The following RNF213 variants were observed in gnomAD, a reference collection of about 807,000 sequenced individuals.
RNF213 encodes the protein E3 ubiquitin-protein ligase RNF213.
Under a neutral mutation model 514.4 loss-of-function variants are expected in RNF213, and 341 were observed. That is an observed-to-expected ratio of 0.66 (90% CI 0.61 to 0.73). RNF213 has a LOEUF of 0.73. RNF213 is among the 30% of genes least tolerant of loss of function. The pLI is 0.00. For missense variants in RNF213, 5,767 were observed against 6,615.6 expected (o/e 0.87, Z 4.45); for synonymous variants, 2,655 against 2,658.2 (o/e 1.00, Z 0.04).
chr17:80,381,909 G>C, intron 57 of RNF213, 182 bp downstream of exon 57: 1 of 654,388 alleles, frequency 1.5e-6, no homozygotes, highest in Non-Finnish European at 2.7e-6. Context: ...CCTGGGGCTG[G>C]AAAAAGGAAG....
At chr17:80,352,738 G>C (rs1399346005) in intron 32 of RNF213, 1 of 746,510 alleles carries the variant, frequency 1.3e-6, no homozygotes, top group Non-Finnish European at 2.4e-6. Context: ...TGAAGCTGTC[G>C]ATGGGCATAG....
intron 22 of RNF213, among the ~76,000 whole-genome samples, chr17:80,335,202 G>A (rs1471737828): frequency 6.6e-6 from 1 of 152,146 alleles, no homozygotes; most frequent in Non-Finnish European, 1.5e-5. Flanking sequence ...GCGTGAGCAA[G>A]TACAGGCGTG....
rs1342075437 is a variant in RNF213, at chr17:80,309,047, A to G, written c.2531A>G (p.Tyr844Cys). Reference protein sequence around the residue: ...KIPEEALSPSYLTVCLKLHEA... With the variant: ...KIPEEALSPSCLTVCLKLHEA... ...CCCGAGGAGGCCTTGTCACCATCCTACCTGACTGTGTGTCTGAAACTGCAT... is the reference window on the plus strand; with the variant it reads ...CCCGAGGAGGCCTTGTCACCATCCTGCCTGACTGTGTGTCTGAAACTGCAT... Residue 844 changes from tyrosine to cysteine, a missense_variant, in exon 14 of 68, where the codon TAC becomes TGC. Coordinates refer to ENST00000582970, the MANE Select transcript of RNF213 (RefSeq NM_001256071.3). 4 of 1,614,044 alleles carry G rather than the reference A, an allele frequency of 2.5e-6. No individual in the cohort carries two copies. Among genetic ancestry groups the G allele is most frequent in the Non-Finnish European group, 3.4e-6 (4 of 1,180,020 alleles).
rs149749020 is a variant in RNF213 at position 80,346,613 on chromosome 17, G to A, written c.8278G>A (p.Glu2760Lys). Residue 2760 changes from glutamate (E) to lysine (K), a missense_variant, in exon 29 of 68, where the codon GAG becomes AAG. By Grantham distance (56) the Glu-to-Lys change is moderately conservative. Transcript: ENST00000582970. The surrounding 1 kb of genome is among the most constrained non-coding windows in gnomAD (Gnocchi z 8.1). ...ENVFMMVVCI[E>K]LKIPLFLVGK... ...CGTCTTCATGATGGTCGTCTGCATC[G>A]AGCTGAAGATTCCCCTCTTCCTGGT... 9 of 1,613,058 alleles carry A rather than the reference G, an allele frequency of 5.6e-6. No homozygotes were observed. The highest frequency in any genetic ancestry group is 2.2e-5 in the South Asian group (2 of 91,084).
chr17:80,374,723 C>A, intron 50 of RNF213, 134 bp downstream of exon 50: 1 of 1,079,600 alleles, frequency 9.3e-7, no homozygotes, highest in Non-Finnish European at 1.4e-6. Context: ...TATTGGAAGT[C>A]ACGTGCCCAC....
chr17:80,364,827 C>G (rs944636821), intron 42 of RNF213: 76 of 434,554 alleles, frequency 1.7e-4, no homozygotes, highest in Non-Finnish European at 3.0e-5. Context: ...AGGGAACATG[C>G]TTGTGAAACC....
At chr17:80,390,733 CTA>C (rs1810262749) in intron 67 of RNF213, among the ~76,000 whole-genome samples, 1 of 152,054 alleles carries the variant, frequency 6.6e-6, no homozygotes, top group Non-Finnish European at 1.5e-5. Context: ...AACAAGTAGA[CTA>C]TGTCAAAGAG....
intron 10 of RNF213, among the ~76,000 whole-genome samples, chr17:80,297,721 A>G (rs927456981): frequency 6.7e-6 from 1 of 149,786 alleles, no homozygotes; most frequent in Non-Finnish European, 1.5e-5. Context: ...CGAGAGGCAG[A>G]GCTTGCAGTG....
At chr17:80,368,624 G>C (rs1012296994) in intron 44 of RNF213, among the ~76,000 whole-genome samples, 1 of 152,010 alleles carries the variant, frequency 6.6e-6, no homozygotes, top group Non-Finnish European at 1.5e-5. Flanking sequence ...GTAGAGACAG[G>C]GTTTCACCAT....
At chr17:80,334,015 G>T (rs964615440) in intron 21 of RNF213, 90 bp from the exon 22 acceptor site, 1 of 1,449,258 alleles carries the variant, frequency 6.9e-7, no homozygotes, top group South Asian at 1.2e-5. Context: ...GAGGGAGGGT[G>T]GGGCTGCTGG....
intron 3 of RNF213, among the ~76,000 whole-genome samples, chr17:80,274,214 AC>A (rs2043933963): frequency 6.6e-6 from 1 of 151,750 alleles, no homozygotes; most frequent in Non-Finnish European, 1.5e-5. Context: ...CTGGCAGGTT[AC>A]CCTTCTTGGA....
intron 49 of RNF213, among the ~76,000 whole-genome samples, chr17:80,373,870 G>T (rs2079626097): frequency 1.3e-5 from 2 of 152,136 alleles, no homozygotes; most frequent in Admixed American, 1.3e-4. Flanking sequence ...GGACATGATG[G>T]TGGGTGCTTG....
At chr17:80,369,956 T>A in intron 46 of RNF213, 89 bp downstream of exon 46, 1 of 882,776 alleles carries the variant, frequency 1.1e-6, no homozygotes, top group Non-Finnish European at 1.9e-6. Context: ...TTGTCGTGAC[T>A]AGTAGCTAGT....
chr17:80,379,394 TTG>T (rs902735336), intron 54 of RNF213: 1 of 565,642 alleles, frequency 1.8e-6, no homozygotes, highest in African/African-American at 1.9e-5. Flanking sequence ...AAAGCTTAAA[TTG>T]TCTCACTTAT....
At position 80,337,733 on chromosome 17, in the gene RNF213, G is replaced by A. The variant is rs919054056; in HGVS notation, c.4668+7G>A. Reference sequence around the variant, plus strand: ...GCCCAAAGGTGGCCAAAAGGTGAGCGGTCCCCAGCCCTCGGCGCAGCTGCG... The same window carrying A: ...GCCCAAAGGTGGCCAAAAGGTGAGCAGTCCCCAGCCCTCGGCGCAGCTGCG... On this transcript the variant is annotated splice_region_variant and intron_variant, in intron 24 of 67. Coordinates refer to ENST00000582970, the MANE Select transcript of RNF213 (RefSeq NM_001256071.3). 23 of 1,537,162 alleles carry A rather than the reference G, an allele frequency of 1.5e-5. No individual in the cohort carries two copies. The highest frequency in any genetic ancestry group is 1.7e-4 in the Middle Eastern group (1 of 6,012).
intron 10 of RNF213, among the ~76,000 whole-genome samples, chr17:80,296,041 A>G (rs745342704): frequency 1.3e-4 from 20 of 151,898 alleles, no homozygotes; most frequent in Non-Finnish European, 2.8e-4. Context: ...TTCCCCCCAG[A>G]CGGCGTCTCA....
chr17:80,274,776 G>T (rs1179464707), intron 3 of RNF213, among the ~76,000 whole-genome samples: 1 of 17,720 alleles, frequency 5.6e-5, no homozygotes, highest in African/African-American at 3.7e-4. Context: ...TGTGAGTGGG[G>T]TGTCTGTGGG....
Position 80,348,214 on chromosome 17 carries a change from C to G in RNF213, c.9879C>G (p.His3293Gln). ...AGGAGTACTTTCACAGACAGAGGCA[C>G]AACTCCTTTGCAGATTTCCTTCAGG... is the stretch of plus-strand genomic sequence containing the variant. Reference protein sequence around the residue: ...LSQEYFHRQRHNSFADFLQAH... With the variant: ...LSQEYFHRQRQNSFADFLQAH... The change falls in exon 29 of 68, where the codon CAC becomes CAG. Residue 3293 changes from histidine to glutamine, a missense_variant. Physicochemically the swap from His to Gln is conservative, Grantham distance 24. Transcript: ENST00000582970. The G allele has an allele frequency of 6.2e-7, 1 of 1,614,086 alleles. No individual in the cohort carries two copies. The highest frequency in any genetic ancestry group is 8.5e-7 in the Non-Finnish European group (1 of 1,180,040).
rs2044907940 is a variant in RNF213, at chr17:80,295,599, C to G, written c.1798C>G (p.Pro600Ala). Residue 600 changes from proline (P) to alanine (A), a missense_variant, in exon 10 of 68, where the codon CCA (proline) becomes GCA (alanine). Coordinates refer to ENST00000582970, the MANE Select transcript of RNF213 (RefSeq NM_001256071.3). ...LWQHLKKHVV[P>A]LPDGKSTDFL... ...GCAACATCTGAAAAAACACGTGGTACCATTGCCGGACGGAAAAAGCACGGA... is the reference window on the plus strand; with the variant it reads ...GCAACATCTGAAAAAACACGTGGTAGCATTGCCGGACGGAAAAAGCACGGA... 1.2e-6 allele frequency: 2 copies of G among 1,614,132 alleles called. No individual in the cohort carries two copies. The highest frequency in any genetic ancestry group is 1.7e-6 in the Non-Finnish European group (2 of 1,180,008).
Sources: allele counts gnomAD v4.1 joint callset (sites outside exome capture counted in the v4.1 genomes callset), GRCh38; gene constraint gnomAD v4.1.1; non-coding constraint Gnocchi (gnomAD v3.1); transcripts MANE v1.5; gene names NCBI Gene and HGNC (gene_info 2026-07-23, HGNC 2026-07-21).